The following TRAPPC10 variants were observed in gnomAD, a reference collection of about 807,000 sequenced individuals.
The protein encoded by TRAPPC10 is TRAPP 130 kDa subunit.
In TRAPPC10, 23 loss-of-function variants were observed where a neutral mutation model predicts 125.5. The ratio of observed to expected loss-of-function variants is 0.18; its 90% CI spans 0.13 to 0.26. TRAPPC10 has a LOEUF of 0.26. Among genes scored for constraint, TRAPPC10 ranks in the 10% least tolerant of loss-of-function variants. The probability of loss-of-function intolerance (pLI) is 1.00; values close to 1 mark genes in which losing one functional copy is unlikely to be tolerated. For missense variants in TRAPPC10, 1,123 were observed against 1,308.4 expected, an observed-to-expected ratio of 0.86 and a Z score of 2.19; for synonymous variants, 509 against 518.0, an observed-to-expected ratio of 0.98 and a Z score of 0.24.
At chr21:44,071,905 G>A (rs967450942) in intron 7 of TRAPPC10, among the ~76,000 whole-genome samples, 17 of 152,172 alleles carry the variant, frequency 1.1e-4, no homozygotes, top group African/African-American at 4.1e-4. Context: ...TTCAGTGAAA[G>A]CCTGCCCTTG....
intron 3 of TRAPPC10, among the ~76,000 whole-genome samples, chr21:44,043,657 A>G (rs758602574): frequency 1.3e-5 from 2 of 152,098 alleles, no homozygotes; most frequent in Admixed American, 6.5e-5. Context: ...GCTCCTCTCT[A>G]TGTGACAGTG....
At chr21:44,034,558 G>T (rs1569152548) in intron 2 of TRAPPC10, among the ~76,000 whole-genome samples, 1 of 152,146 alleles carries the variant, frequency 6.6e-6, no homozygotes, top group African/African-American at 2.4e-5. Context: ...AGGAAAATTG[G>T]ATGGCCCCAG....
Position 44,087,058 on chromosome 21 carries a change from C to T in TRAPPC10, c.2539+98C>T, listed in dbSNP as rs963021961. The T allele has an allele frequency of 5.7e-5, 80 of 1,394,580 alleles. No individual in the cohort carries two copies. Among genetic ancestry groups the T allele is most frequent in the South Asian group, 1.0e-4 (8 of 77,024 alleles). 86.4% of individuals were successfully genotyped at this position (1,394,580 alleles called of 1,614,324 possible). On this transcript the variant is annotated intron_variant, in intron 16 of 22. Coordinates refer to ENST00000291574, the MANE Select transcript of TRAPPC10 (RefSeq NM_003274.5). This position sits in a 1 kb window ranked among gnomAD's most constrained non-coding sequence, Gnocchi z 4.6. ...CTGGCCTTGCTGCCATCCTGCTGAGCGCCCCTCAACAGTGTCTGGAGTCCG... is the reference window on the plus strand; with the variant it reads ...CTGGCCTTGCTGCCATCCTGCTGAGTGCCCCTCAACAGTGTCTGGAGTCCG...
intron 6 of TRAPPC10, chr21:44,062,685 T>C (rs890059751): frequency 2.0e-6 from 2 of 984,654 alleles, no homozygotes; most frequent in African/African-American, 1.8e-5. Flanking sequence ...CACTGCTGGG[T>C]GCTCCAATAG....
intron 11 of TRAPPC10, 110 bp downstream of exon 11, chr21:44,077,894 G>C (rs1282557708): frequency 1.3e-6 from 1 of 752,068 alleles, no homozygotes; most frequent in Non-Finnish European, 2.0e-6. Flanking sequence ...ACTGAAAAGT[G>C]TAGATTCTCT....
At chr21:44,079,492 G>T in intron 11 of TRAPPC10, 72 bp from the exon 12 acceptor site, 2 of 1,519,588 alleles carry the variant, frequency 1.3e-6, no homozygotes, top group South Asian at 1.3e-5. Flanking sequence ...AGGCCAAAGC[G>T]GGAGAGATGG....
intron 17 of TRAPPC10, chr21:44,089,580 G>A (rs57260626): frequency 3.7e-6 from 2 of 535,036 alleles, no homozygotes; most frequent in Admixed American, 2.2e-5. Context: ...CCGCCGTTGA[G>A]GTGACTCTGG....
chr21:44,028,185 A>G (rs755807494), intron 1 of TRAPPC10, among the ~76,000 whole-genome samples: 3 of 152,266 alleles, frequency 2.0e-5, no homozygotes, highest in Non-Finnish European at 4.4e-5. Flanking sequence ...CAGGGAATAC[A>G]GTAATAATTC....
intron 18 of TRAPPC10, 102 bp from the exon 19 acceptor site, chr21:44,091,820 CT>C: frequency 1.7e-6 from 2 of 1,147,240 alleles, no homozygotes; most frequent in Non-Finnish European, 2.4e-6. Flanking sequence ...TGCTTTGTTG[CT>C]TTTTTGATTC....
intron 1 of TRAPPC10, among the ~76,000 whole-genome samples, chr21:44,018,543 A>T (rs2032127147): frequency 6.6e-6 from 1 of 152,158 alleles, no homozygotes; most frequent in Non-Finnish European, 1.5e-5. Context: ...TACTAAAAAT[A>T]CAAAAATTAG....
chr21:44,045,798 C>T (rs7275722), intron 3 of TRAPPC10, among the ~76,000 whole-genome samples: 20,898 of 151,986 alleles, frequency 0.14, 1,595 homozygotes, highest in South Asian at 0.25. Flanking sequence ...CCTTCTGATT[C>T]GCCCACCTCG....
intron 8 of TRAPPC10, among the ~76,000 whole-genome samples, chr21:44,074,750 C>G (rs370199110): frequency 6.6e-6 from 1 of 152,226 alleles, no homozygotes; most frequent in African/African-American, 2.4e-5. Flanking sequence ...GTCAGCTCAC[C>G]AGGCAGAGCT....
At chr21:44,042,950 T>C (rs527520450) in intron 3 of TRAPPC10, among the ~76,000 whole-genome samples, 38 of 152,302 alleles carry the variant, frequency 2.5e-4, no homozygotes, top group African/African-American at 8.9e-4. Context: ...AATTTTGTAA[T>C]TTATGTCTTA....
intron 4 of TRAPPC10, among the ~76,000 whole-genome samples, chr21:44,052,849 T>C (rs1217407961): frequency 6.6e-6 from 1 of 152,050 alleles, no homozygotes; most frequent in African/African-American, 2.4e-5. Context: ...CCTTAACACC[T>C]GAGAGTTCCT....
At chr21:44,032,267 G>T (rs1383949354) in intron 2 of TRAPPC10, 95 bp downstream of exon 2, 18 of 971,186 alleles carry the variant, frequency 1.9e-5, no homozygotes, top group Non-Finnish European at 2.6e-5. Context: ...AGACATTTAT[G>T]TGAACAAGTG....
In TRAPPC10 at chr21:44,079,898, A is replaced by C. The variant is rs553932147; in HGVS notation, c.1611-117A>C. 18 of 1,121,570 alleles carry C rather than the reference A, an allele frequency of 1.6e-5. No individual in the cohort carries two copies. The East Asian group carries it at 4.6e-4, about 29-fold the overall frequency. The allele number at this position is 1,121,570 out of a possible 1,614,324, so 69.5% of individuals were successfully genotyped here. On this transcript the variant is annotated intron_variant, in intron 12 of 22. Coordinates refer to ENST00000291574, the MANE Select transcript of TRAPPC10 (RefSeq NM_003274.5). ...CTAATTTTGAGCCCTAGTAACTTAA[A>C]AAAAAAAAGCCCTTTGGCTTTTGAA...
intron 1 of TRAPPC10, among the ~76,000 whole-genome samples, chr21:44,030,254 T>TG (rs970184475): frequency 1.3e-5 from 2 of 151,996 alleles, no homozygotes; most frequent in African/African-American, 4.8e-5. Context: ...AGAGTGTGTG[T>TG]GTGTGTGTGT....
At chr21:44,014,583 GTTTGTT>G (rs1006694928) in intron 1 of TRAPPC10, among the ~76,000 whole-genome samples, 1 of 123,038 alleles carries the variant, frequency 8.1e-6, no homozygotes, top group Non-Finnish European at 1.6e-5. Context: ...TTTTTTGTTT[GTTTGTT>G]TTTGTTTTTT....
intron 3 of TRAPPC10, among the ~76,000 whole-genome samples, chr21:44,043,496 G>T (rs1315625252): frequency 1.3e-5 from 2 of 152,138 alleles, no homozygotes; most frequent in African/African-American, 4.8e-5. Flanking sequence ...GCAAGCGTGA[G>T]CCACCGTGCC....
Sources: gnomAD v4.1 joint callset for allele counts (sites outside exome capture counted in the v4.1 genomes callset) on GRCh38, gnomAD v4.1.1 for gene constraint, Gnocchi (gnomAD v3.1) non-coding constraint, MANE v1.5 for transcripts, NCBI Gene and HGNC (gene_info 2026-07-23, HGNC 2026-07-21) for gene names.